PELP1: variants seen among roughly 807,000 people sequenced by gnomAD.
PELP1 encodes proline-, glutamic acid- and leucine-rich protein 1.
PELP1 carries 32 observed loss-of-function variants against 95.5 expected under a neutral mutation model. The observed-to-expected ratio is 0.34, with a 90% CI of 0.25 to 0.45. The LOEUF is 0.45. Ranked by LOEUF, PELP1 falls within the 20% of genes least tolerant of loss-of-function variation. The pLI is 1.00. For synonymous variants in PELP1, 668 were observed against 600.1 expected (o/e 1.11, Z -1.65); for missense variants, 1,358 against 1,444.8 (o/e 0.94, Z 0.97).
chr17:4,691,186 T>C (rs1433918877), intron 2 of PELP1, 192 bp downstream of exon 2: 14 of 640,050 alleles, frequency 2.2e-5, no homozygotes, highest in Non-Finnish European at 3.3e-5. Flanking sequence ...CAGGGTGGAA[T>C]AGGACATCTG....
intron 3 of PELP1, among the ~76,000 whole-genome samples, chr17:4,689,988 T>C (rs1318026601): frequency 1.3e-5 from 2 of 151,824 alleles, no homozygotes; most frequent in African/African-American, 4.8e-5. Context: ...AGCGCGCCAC[T>C]GCACTCCAGC....
At chr17:4,688,155 C>A (rs966262463) in intron 3 of PELP1, among the ~76,000 whole-genome samples, 1 of 151,960 alleles carries the variant, frequency 6.6e-6, no homozygotes, top group African/African-American at 2.4e-5. Context: ...GCCAACATGG[C>A]GAAACCCTAT....
chr17:4,683,473 C>A (rs960304127), intron 3 of PELP1, among the ~76,000 whole-genome samples: 1 of 150,636 alleles, frequency 6.6e-6, no homozygotes, highest in South Asian at 2.1e-4. Context: ...CCCGCCTTGG[C>A]CTCCCAAAGT....
intron 1 of PELP1, among the ~76,000 whole-genome samples, chr17:4,698,568 G>A (rs978711864): frequency 2.6e-4 from 40 of 151,188 alleles, no homozygotes; most frequent in African/African-American, 9.7e-4. Context: ...CTTAAACCCA[G>A]GGGGCGGAGG....
At position 4,675,374 on chromosome 17, in the gene PELP1, A is replaced by C; in HGVS notation, c.1069-12T>G. The stretch of plus-strand genomic sequence containing the variant: ...TCTCCATGCAAGCTCTGGAGAAAAA[A>C]GGGGCAGAGATAAAGAGTGGAGGAA... On this transcript the variant is annotated splice_polypyrimidine_tract_variant and intron_variant, in intron 9 of 16. Coordinates refer to ENST00000572293, the MANE Select transcript of PELP1 (RefSeq NM_014389.3). This position sits in a 1 kb window ranked among gnomAD's most constrained non-coding sequence, Gnocchi z 4.3. The C allele has an allele frequency of 1.4e-6, 2 of 1,449,564 alleles. No homozygotes were observed. The highest frequency in any genetic ancestry group is 1.9e-6 in the Non-Finnish European group (2 of 1,056,092). The allele number at this position is 1,449,564 out of a possible 1,614,324, so 89.8% of individuals were successfully genotyped here.
At chr17:4,683,043 C>T (rs1299494161) in intron 3 of PELP1, 91 bp from the exon 4 acceptor site, 4 of 1,375,906 alleles carry the variant, frequency 2.9e-6, no homozygotes, top group African/African-American at 1.5e-5. Context: ...CTGAGGAATG[C>T]CACGGTTAAT....
chr17:4,673,017 C>A lies in PELP1; in HGVS notation c.1974G>T (p.Ser658=). The change falls in exon 16 of 17, where the codon TCG becomes TCT. Residue 658 remains serine (S), a synonymous_variant. Coordinates refer to ENST00000572293, the MANE Select transcript of PELP1 (RefSeq NM_014389.3). This position sits in a 1 kb window ranked among gnomAD's most constrained non-coding sequence, Gnocchi z 5.7. ...PAPVPPPEAP[S]PFRAPPFHPP... is the part of the protein sequence containing the mutation. ...GATGGAACGGTGGGGCCCTGAAGGG[C>A]GATGGGGCCTCAGGAGGGGGAACTG... is the stretch of plus-strand genomic sequence containing the variant. 1 of 1,537,140 alleles carries A rather than the reference C, an allele frequency of 6.5e-7. No homozygotes were observed.
At chr17:4,682,024 G>C (rs1912709892) in intron 5 of PELP1, among the ~76,000 whole-genome samples, 1 of 151,948 alleles carries the variant, frequency 6.6e-6, no homozygotes. Flanking sequence ...AGCTGGGCGT[G>C]GTGGCACACG....
Position 4,669,843 on chromosome 17 carries a change from AT to A in PELP1, c.*1595del, listed in dbSNP as rs1912129196. 6.6e-6 allele frequency: 1 copy of A among 152,108 alleles called. No individual in the cohort carries two copies. 9.4% of individuals were successfully genotyped at this position (152,108 alleles called of 1,614,324 possible). ...ATTACTGTTATTTTTCTTAGGTTTGATAATGGTATCAGGATTGTGCAGAAAA... is the reference window on the plus strand; with the variant it reads ...ATTACTGTTATTTTTCTTAGGTTTGAAATGGTATCAGGATTGTGCAGAAAA... On this transcript the variant is annotated 3_prime_UTR_variant, in exon 17 of 17. Transcript: ENST00000572293.
intron 1 of PELP1, among the ~76,000 whole-genome samples, chr17:4,693,313 C>G (rs2150563905): frequency 6.6e-6 from 1 of 152,328 alleles, no homozygotes; most frequent in East Asian, 1.9e-4. Flanking sequence ...GTGAACAGAT[C>G]AAATATAGTG....
At chr17:4,698,727 A>ATGTTGT (rs58806307) in intron 1 of PELP1, among the ~76,000 whole-genome samples, 59 of 151,452 alleles carry the variant, frequency 3.9e-4, no homozygotes, top group African/African-American at 1.0e-3. Flanking sequence ...TGGACTAGAA[A>ATGTTGT]TGTTGTTGTT....
intron 1 of PELP1, among the ~76,000 whole-genome samples, chr17:4,699,594 G>T (rs1315990341): frequency 6.6e-6 from 1 of 152,056 alleles, no homozygotes; most frequent in African/African-American, 2.4e-5. Flanking sequence ...AGGGTGATTT[G>T]TTTGTTTTTT....
rs1340238623 is a variant in PELP1, at chr17:4,672,275, C to G, written c.2716G>C (p.Glu906Gln). The change falls in exon 16 of 17, where the codon GAG becomes CAG. Residue 906 changes from glutamate to glutamine, a missense_variant. By Grantham distance (29) the Glu-to-Gln change is conservative. Around this residue, in one of 7 missense-constraint regions of PELP1, gnomAD observed 283 missense variants for 284.1 expected, o/e 1.00. Transcript: ENST00000572293. The part of the protein sequence containing the change: ...EEEEEEEEEE[E>Q]EEDFEEEEED... ...TCCTCTTCCTCAAAGTCTTCCTCCT[C>G]TTCCTCTTCTTCCTCTTCTTCTTCT... 1.2e-5 allele frequency: 19 copies of G among 1,549,276 alleles called. No homozygotes were observed. Among genetic ancestry groups the G allele is most frequent in the African/African-American group, 4.1e-5 (3 of 72,732 alleles).
At position 4,670,169 on chromosome 17, in the gene PELP1, T is replaced by C. The variant is rs1044861066; in HGVS notation, c.*1270A>G. On this transcript the variant is annotated 3_prime_UTR_variant, in exon 17 of 17. Transcript: ENST00000572293. ...CAAGTTGAGGGGTAACTTTTTAAAA[T>C]CCTACTGAAGTTTCCAAAAATTAGC... 9.2e-5 allele frequency: 14 copies of C among 152,334 alleles called. No individual in the cohort carries two copies. The highest frequency in any genetic ancestry group is 3.4e-4 in the African/African-American group (14 of 41,578). 9.4% of individuals were successfully genotyped at this position (152,334 alleles called of 1,614,324 possible).
chr17:4,686,937 A>G (rs187055356), intron 3 of PELP1, among the ~76,000 whole-genome samples: 1 of 152,326 alleles, frequency 6.6e-6, no homozygotes, highest in East Asian at 1.9e-4. Context: ...AAGGCCATAC[A>G]CAACTTGGTC....
At chr17:4,701,329 G>GC (rs1396140298) in intron 1 of PELP1, among the ~76,000 whole-genome samples, 1 of 151,114 alleles carries the variant, frequency 6.6e-6, no homozygotes, top group Non-Finnish European at 1.5e-5. Context: ...AGAGTTGGGG[G>GC]GGTGGGGGCA....
At chr17:4,688,984 T>G (rs1482358267) in intron 3 of PELP1, among the ~76,000 whole-genome samples, 1 of 152,142 alleles carries the variant, frequency 6.6e-6, no homozygotes, top group Non-Finnish European at 1.5e-5. Flanking sequence ...AGCATGATAC[T>G]GATATAAAAA....
At position 4,690,998 on chromosome 17, in the gene PELP1, A is replaced by G; in HGVS notation, c.315-5T>C. The G allele has an allele frequency of 3.1e-6, 5 of 1,605,448 alleles. No homozygotes were observed. The highest frequency in any genetic ancestry group is 4.3e-6 in the Non-Finnish European group (5 of 1,172,202). On this transcript the variant is annotated splice_region_variant and splice_polypyrimidine_tract_variant and intron_variant, in intron 2 of 16. Transcript: ENST00000572293. ...AGCAGACACAGGCCCTCAAACCTTC[A>G]AAGAAAGAAGAGAGTCATGTTAAGT...
In PELP1 at chr17:4,698,651, AAC is replaced by A. The variant is rs1555554989; in HGVS notation, c.249+5210_249+5211del. ...ACTGAGATTGTCTCAAAAAAAAAAA[AAC>A]AAGGCAAAACAAACAACAACAAAAA... On this transcript the variant is annotated intron_variant, in intron 1 of 16. Coordinates refer to ENST00000572293, the MANE Select transcript of PELP1 (RefSeq NM_014389.3). Among the ~76,000 whole-genome samples the A allele has an allele frequency of 2.7e-5, 4 of 150,736 alleles. 1 individual carries two copies. The highest frequency in any genetic ancestry group is 5.9e-5 in the Non-Finnish European group (4 of 67,676).
Sources: gnomAD v4.1 joint callset for allele counts (sites outside exome capture counted in the v4.1 genomes callset) on GRCh38, gnomAD v4.1.1 for gene constraint, gnomAD v4.1.1 regional missense constraint, Gnocchi (gnomAD v3.1) non-coding constraint, MANE v1.5 for transcripts, NCBI Gene and HGNC (gene_info 2026-07-23, HGNC 2026-07-21) for gene names.